The following SLC24A2 variants were observed in gnomAD, a reference collection of about 807,000 sequenced individuals.
The protein encoded by SLC24A2 is sodium/potassium/calcium exchanger 2.
A neutral mutation model predicts 62.0 loss-of-function variants in SLC24A2; 36 were observed. That is an observed-to-expected ratio of 0.58 (90% CI 0.44 to 0.77). The LOEUF (loss-of-function observed/expected upper bound fraction) is 0.77. SLC24A2 is among the 30% of genes least tolerant of loss of function. SLC24A2 has a pLI of 0.00. For synonymous variants in SLC24A2, 358 were observed against 294.0 expected (o/e 1.22, Z -2.23); for missense variants, 846 against 817.9 (o/e 1.03, Z -0.42).
At chr9:19,994,931 G>C in the SLC24A2 span, among the ~76,000 whole-genome samples, 173 of 152,274 alleles carry the variant, frequency 1.1e-3, 5 homozygotes, top group East Asian at 0.031. Context: ...CCAGAGAATG[G>C]AGATATCACT....
At chr9:19,737,358 GATT>G (rs1368651011) in intron 2 of SLC24A2, among the ~76,000 whole-genome samples, 1 of 152,142 alleles carries the variant, frequency 6.6e-6, no homozygotes, top group Admixed American at 6.6e-5. Context: ...AAATGTCAAA[GATT>G]ATTATATTTA....
chr9:19,875,874 C>G, the SLC24A2 span, among the ~76,000 whole-genome samples: 1 of 152,206 alleles, frequency 6.6e-6, no homozygotes, highest in African/African-American at 2.4e-5. Flanking sequence ...CATACATTCA[C>G]TCAATCATTT....
chr9:20,207,695 T>C, the SLC24A2 span, among the ~76,000 whole-genome samples: 62 of 152,252 alleles, frequency 4.1e-4, no homozygotes, highest in African/African-American at 1.5e-3. Flanking sequence ...ATATCCATGA[T>C]GTTAAATCTG....
At chr9:20,249,748 G>A in the SLC24A2 span, among the ~76,000 whole-genome samples, 3 of 147,664 alleles carry the variant, frequency 2.0e-5, no homozygotes, top group East Asian at 6.0e-4. Flanking sequence ...GAAATGTCAT[G>A]TAGCACTGAG....
At chr9:19,708,594 T>G (rs1037482512) in intron 2 of SLC24A2, among the ~76,000 whole-genome samples, 4 of 152,058 alleles carry the variant, frequency 2.6e-5, no homozygotes, top group African/African-American at 9.7e-5. Flanking sequence ...CCCTTAGAAA[T>G]AATGCCACAT....
At chr9:19,783,763 A>G (rs1823082231) in intron 2 of SLC24A2, among the ~76,000 whole-genome samples, 1 of 152,208 alleles carries the variant, frequency 6.6e-6, no homozygotes. Context: ...CCACTTAAAA[A>G]CGTGTGACTG....
At chr9:20,200,301 G>A in the SLC24A2 span, among the ~76,000 whole-genome samples, 2 of 152,192 alleles carry the variant, frequency 1.3e-5, no homozygotes, top group Non-Finnish European at 2.9e-5. Flanking sequence ...GATATTGGGA[G>A]TCAACTTCTG....
At chr9:19,523,300 C>T (rs908378756) in intron 9 of SLC24A2, among the ~76,000 whole-genome samples, 3 of 152,138 alleles carry the variant, frequency 2.0e-5, no homozygotes, top group Non-Finnish European at 2.9e-5. Flanking sequence ...GCTTGCCACT[C>T]CTAGTGCAAG....
chr9:19,542,818 T>G (rs1448428587), intron 8 of SLC24A2, among the ~76,000 whole-genome samples: 2 of 152,214 alleles, frequency 1.3e-5, no homozygotes, highest in Non-Finnish European at 2.9e-5. Context: ...CTTTTTGATG[T>G]GCTGCTGGAT....
At chr9:19,611,081 T>C (rs1837146443) in intron 4 of SLC24A2, among the ~76,000 whole-genome samples, 1 of 152,148 alleles carries the variant, frequency 6.6e-6, no homozygotes, top group African/African-American at 2.4e-5. Flanking sequence ...TCTGATATTT[T>C]CAAAAGGTTG....
chr9:20,071,512 A>T, the SLC24A2 span, among the ~76,000 whole-genome samples: 1 of 152,166 alleles, frequency 6.6e-6, no homozygotes. Flanking sequence ...CTTGAGGGTG[A>T]CTGTGGTAGG....
At chr9:20,035,741 A>G in the SLC24A2 span, among the ~76,000 whole-genome samples, 2 of 152,172 alleles carry the variant, frequency 1.3e-5, no homozygotes, top group African/African-American at 2.4e-5. Flanking sequence ...TGGGTGACAG[A>G]GTGAGAACCT....
chr9:20,284,902 G>A, the SLC24A2 span, among the ~76,000 whole-genome samples: 1 of 152,196 alleles, frequency 6.6e-6, no homozygotes, highest in African/African-American at 2.4e-5. Flanking sequence ...ATGCCTTACA[G>A]GGAATTTTAA....
At chr9:19,751,748 G>A (rs1587267878) in intron 2 of SLC24A2, among the ~76,000 whole-genome samples, 1 of 152,146 alleles carries the variant, frequency 6.6e-6, no homozygotes, top group Non-Finnish European at 1.5e-5. Flanking sequence ...TGCCCTTCCT[G>A]AACATTACGG....
the SLC24A2 span, among the ~76,000 whole-genome samples, chr9:19,885,693 A>G: frequency 1.3e-5 from 2 of 152,098 alleles, no homozygotes; most frequent in Non-Finnish European, 2.9e-5. Context: ...AGATAATTTC[A>G]TCACCCAGGT....
chr9:19,701,398 C>G (rs1168855896), intron 2 of SLC24A2, among the ~76,000 whole-genome samples: 3 of 152,218 alleles, frequency 2.0e-5, no homozygotes, highest in Admixed American at 6.5e-5. Flanking sequence ...CCATGCCAAG[C>G]AGCACTTAGT....
the SLC24A2 span, among the ~76,000 whole-genome samples, chr9:20,146,148 G>A: frequency 6.6e-6 from 1 of 152,080 alleles, no homozygotes; most frequent in East Asian, 1.9e-4. Context: ...CTAAAATGTA[G>A]AGTCCCAGAA....
At chr9:20,102,254 C>T in the SLC24A2 span, among the ~76,000 whole-genome samples, 1 of 151,844 alleles carries the variant, frequency 6.6e-6, no homozygotes, top group Non-Finnish European at 1.5e-5. Context: ...CTAATCTAGG[C>T]AGAGATATGA....
At chr9:20,133,650 A>C in the SLC24A2 span, among the ~76,000 whole-genome samples, 2 of 152,194 alleles carry the variant, frequency 1.3e-5, no homozygotes, top group African/African-American at 4.8e-5. Flanking sequence ...CAAAAGTTTC[A>C]TTTACTTCAT....
Sources: allele counts gnomAD v4.1 joint callset (sites outside exome capture counted in the v4.1 genomes callset), GRCh38; gene constraint gnomAD v4.1.1; transcripts MANE v1.5; gene names NCBI Gene and HGNC (gene_info 2026-07-23, HGNC 2026-07-21).